The following DMD variants were observed in gnomAD, a reference collection of about 807,000 sequenced individuals.
DMD encodes dystrophin.
DMD carries 63 observed loss-of-function variants against 330.1 expected under a neutral mutation model. The observed-to-expected ratio is 0.19, with a 90% CI of 0.16 to 0.24. The LOEUF (loss-of-function observed/expected upper bound fraction) is 0.24, where lower values mean the gene tolerates loss of function less well. Ranked by LOEUF, DMD falls within the 10% of genes least tolerant of loss-of-function variation. The pLI is 1.00. For missense variants in DMD, 3,344 were observed against 2,684.1 expected (o/e 1.25, Z -5.43); for synonymous variants, 1,223 against 959.8 (o/e 1.27, Z -5.07).
At chrX:32,648,381 T>C (rs2059916157) in intron 9 of DMD, among the ~76,000 whole-genome samples, 3 of 112,137 alleles carry the variant, frequency 2.7e-5, no homozygotes, top group African/African-American at 9.7e-5. Context: ...TAGACTATTG[T>C]TTTTCAAATT....
In DMD at chrX:32,787,319, CT is replaced by C. The variant is rs758315208; in HGVS notation, c.649+22173del. ...GAGGAATTTAAGATATAGTATAAAT[CT>C]TTTATGAAAACTAGATTAGACTCTG... On this transcript the variant is annotated intron_variant, in intron 7 of 78. Coordinates refer to ENST00000357033, the MANE Select transcript of DMD (RefSeq NM_004006.3). Among the ~76,000 whole-genome samples the C allele has an allele frequency of 1.1e-4, 12 of 107,451 alleles. No homozygotes were observed. The East Asian group carries it at 3.3e-3, about 30-fold the overall frequency. 93.3% of individuals were successfully genotyped at this position (107,451 alleles called of 115,157 possible).
chrX:31,699,790 TAAAGTGATACAACA>T (rs748904093), intron 52 of DMD, among the ~76,000 whole-genome samples: 1 of 111,866 alleles, frequency 8.9e-6, no homozygotes, highest in Non-Finnish European at 1.9e-5. Flanking sequence ...GAGAAAGAAG[TAAAGTGATACAACA>T]AAATCTAGAG....
chrX:32,361,798 A>G (rs1379559191), intron 37 of DMD, among the ~76,000 whole-genome samples: 1 of 111,274 alleles, frequency 9.0e-6, no homozygotes, highest in Non-Finnish European at 1.9e-5. Context: ...ATACTGCATC[A>G]TATTTTCTCA....
At chrX:32,787,295 AG>A (rs1191287846) in intron 7 of DMD, among the ~76,000 whole-genome samples, 4 of 108,356 alleles carry the variant, frequency 3.7e-5, no homozygotes, top group Non-Finnish European at 5.7e-5. Context: ...AACCACTCTG[AG>A]GAATTTAAGA....
intron 18 of DMD, among the ~76,000 whole-genome samples, chrX:32,503,456 G>C (rs189859602): frequency 8.9e-6 from 1 of 112,379 alleles, no homozygotes; most frequent in East Asian, 2.8e-4. Context: ...TATTTACTAA[G>C]CACATTAAAT....
At chrX:32,002,741 G>A (rs1414609293) in intron 44 of DMD, among the ~76,000 whole-genome samples, 1 of 110,960 alleles carries the variant, frequency 9.0e-6, no homozygotes, top group African/African-American at 3.3e-5. Flanking sequence ...TGAGAAAGCA[G>A]ATATAAAGTA....
chrX:32,549,044 A>G (rs1016704426), intron 16 of DMD, among the ~76,000 whole-genome samples: 1 of 112,083 alleles, frequency 8.9e-6, no homozygotes, highest in Middle Eastern at 4.7e-3. Context: ...AAAAGAAAAT[A>G]CATTTCTTTT....
At chrX:32,312,468 C>T (rs776695580) in intron 41 of DMD, among the ~76,000 whole-genome samples, 1 of 111,027 alleles carries the variant, frequency 9.0e-6, no homozygotes, top group South Asian at 3.8e-4. Flanking sequence ...AGAAACTTAG[C>T]TGTATGGTCA....
At chrX:32,006,583 T>C (rs1338462136) in intron 44 of DMD, among the ~76,000 whole-genome samples, 2 of 111,736 alleles carry the variant, frequency 1.8e-5, no homozygotes, top group Non-Finnish European at 3.8e-5. Context: ...GAAGCCTTTA[T>C]TACTACATTT....
At chrX:32,488,591 T>C in intron 20 of DMD, among the ~76,000 whole-genome samples, 1 of 111,847 alleles carries the variant, frequency 8.9e-6, no homozygotes, top group South Asian at 3.8e-4. Context: ...CTAAAGTGAT[T>C]CTTCAAATTA....
intron 44 of DMD, among the ~76,000 whole-genome samples, chrX:31,998,433 C>T (rs184781358): frequency 2.3e-4 from 26 of 111,938 alleles, no homozygotes; most frequent in African/African-American, 7.1e-4. Context: ...TTAGCCCAGA[C>T]GGCCTGACAG....
At chrX:32,336,952 G>A (rs1569558604) in intron 41 of DMD, among the ~76,000 whole-genome samples, 1 of 111,214 alleles carries the variant, frequency 9.0e-6, no homozygotes, top group Non-Finnish European at 1.9e-5. Context: ...GCGGATCACA[G>A]GATTTCATTT....
At chrX:32,507,887 A>T (rs916638968) in intron 18 of DMD, among the ~76,000 whole-genome samples, 1 of 110,886 alleles carries the variant, frequency 9.0e-6, no homozygotes, top group Non-Finnish European at 1.9e-5. Context: ...TCATATTAGG[A>T]AGTTTTAGAT....
intron 44 of DMD, among the ~76,000 whole-genome samples, chrX:32,089,357 GT>G (rs2077327566): frequency 9.0e-6 from 1 of 111,517 alleles, no homozygotes; most frequent in African/African-American, 3.3e-5. Context: ...TTTTGCGGGG[GT>G]TTGGTGTAAA....
chrX:31,164,251 T>C (rs1201050140), intron 74 of DMD, among the ~76,000 whole-genome samples: 1 of 111,489 alleles, frequency 9.0e-6, no homozygotes. Flanking sequence ...ACAGTCCTAA[T>C]ATCTCAGGCT....
At chrX:31,667,714 T>C (rs1296998315) in intron 53 of DMD, among the ~76,000 whole-genome samples, 1 of 111,157 alleles carries the variant, frequency 9.0e-6, no homozygotes, top group African/African-American at 3.3e-5. Flanking sequence ...AGGTGAGGGA[T>C]AGGCCAGGTA....
At chrX:32,514,628 C>A (rs1333192504) in intron 18 of DMD, among the ~76,000 whole-genome samples, 1 of 112,175 alleles carries the variant, frequency 8.9e-6, no homozygotes, top group Non-Finnish European at 1.9e-5. Flanking sequence ...GTAGTCCCAG[C>A]TACTCAGGAG....
intron 7 of DMD, among the ~76,000 whole-genome samples, chrX:32,708,147 G>A (rs1292758189): frequency 3.6e-5 from 4 of 111,881 alleles, no homozygotes; most frequent in Non-Finnish European, 3.8e-5. Flanking sequence ...TTTATTTCAT[G>A]TGACATAAAT....
At chrX:31,989,115 T>C (rs1184192748) in intron 44 of DMD, among the ~76,000 whole-genome samples, 1 of 112,209 alleles carries the variant, frequency 8.9e-6, no homozygotes, top group African/African-American at 3.2e-5. Flanking sequence ...CTTCAATCGA[T>C]TGGACTTAGG....
Sources: allele counts gnomAD v4.1 joint callset (sites outside exome capture counted in the v4.1 genomes callset), GRCh38; gene constraint gnomAD v4.1.1; transcripts MANE v1.5; gene names NCBI Gene and HGNC (gene_info 2026-07-23, HGNC 2026-07-21).